Variants in DACT2 observed in about 807,000 individuals in gnomAD.
DACT2 encodes the protein dishevelled binding antagonist of beta catenin 2.
In DACT2, 20 loss-of-function variants were observed where a neutral mutation model predicts 22.2. That is an observed-to-expected ratio of 0.90 (90% CI 0.63 to 1.31). The LOEUF is 1.31. DACT2 is among the 50% of genes most tolerant of loss of function. The pLI, the probability that DACT2 is intolerant of heterozygous loss-of-function variation, is 0.00. For missense variants in DACT2, 1,048 were observed against 1,061.4 expected, an observed-to-expected ratio of 0.99 and a Z score of 0.18; for synonymous variants, 463 against 479.8, an observed-to-expected ratio of 0.96 and a Z score of 0.46.
At chr6:168,313,606 G>A (rs1241920466) in intron 1 of DACT2, among the ~76,000 whole-genome samples, 1 of 152,148 alleles carries the variant, frequency 6.6e-6, no homozygotes, top group Non-Finnish European at 1.5e-5. Flanking sequence ...GATCCTTACA[G>A]CACAGGAATT....
At chr6:168,309,197 C>G in intron 3 of DACT2, 99 bp from the exon 4 acceptor site, 1 of 1,430,674 alleles carries the variant, frequency 7.0e-7, no homozygotes, top group Non-Finnish European at 9.2e-7. Flanking sequence ...AAACGCTGCT[C>G]ATTCACTGCT....
rs1312785958 is a variant in DACT2, at chr6:168,307,442, G to A, written c.2315C>T (p.Thr772Ile). The A allele has an allele frequency of 6.4e-7, 1 of 1,551,668 alleles. No individual in the cohort carries two copies. The highest frequency in any genetic ancestry group is 8.7e-7 in the Non-Finnish European group (1 of 1,146,990). ...CGCAGTCACTGCACCTCACACCATGGTCATGACCTTCAGGGCCGTCGGCTG... is the reference window on the plus strand; with the variant it reads ...CGCAGTCACTGCACCTCACACCATGATCATGACCTTCAGGGCCGTCGGCTG... Reference protein sequence around the residue: ...RFQPTALKVMTMV With the variant: ...RFQPTALKVMIMV The change falls in exon 4 of 4, where the codon ACC becomes ATC. Residue 772 changes from threonine (T) to isoleucine (I), a missense_variant. Physicochemically the swap from Thr to Ile is moderately conservative, Grantham distance 89 (BLOSUM62 -1). Transcript: ENST00000366795. The surrounding 1 kb of genome is among the most constrained non-coding windows in gnomAD (Gnocchi z 5.3).
At position 168,307,486 on chromosome 6, in the gene DACT2, C is replaced by T; in HGVS notation, c.2271G>A (p.Lys757=). 2 of 1,551,670 alleles carry T rather than the reference C, an allele frequency of 1.3e-6. No homozygotes were observed. The highest frequency in any genetic ancestry group is 8.7e-7 in the Non-Finnish European group (1 of 1,147,002). ...LCRIKASKAL[K]KKIRRFQPTA... ...TCGGCTGGAACCTGCGGATCTTCTT[C>T]TTCAGGGCCTTGGAGGCCTTAATAC... The change falls in exon 4 of 4, where the codon AAG becomes AAA. Residue 757 remains lysine (K), a synonymous_variant. Coordinates refer to ENST00000366795, the MANE Select transcript of DACT2 (RefSeq NM_214462.5). The surrounding 1 kb of genome is among the most constrained non-coding windows in gnomAD (Gnocchi z 5.3).
chr6:168,310,297 G>T lies in DACT2; in HGVS notation c.529C>A (p.Arg177=). The T allele has an allele frequency of 6.4e-7, 1 of 1,551,524 alleles. No homozygotes were observed. The highest frequency in any genetic ancestry group is 8.7e-7 in the Non-Finnish European group (1 of 1,146,974). Residue 177 remains arginine (R), a synonymous_variant, in exon 3 of 4, where the codon CGG becomes AGG. Coordinates refer to ENST00000366795, the MANE Select transcript of DACT2 (RefSeq NM_214462.5). Reference sequence around the variant, plus strand: ...GGCACAGTAGTCTCATCAACCGACCGGGGCCTCCAGTCCCCCATGCTGGGC... The same window carrying T: ...GGCACAGTAGTCTCATCAACCGACCTGGGCCTCCAGTCCCCCATGCTGGGC... The part of the protein sequence containing the change: ...ARPSMGDWRP[R]SVDETTVPAW...
At position 168,306,936 on chromosome 6, in the gene DACT2, T is replaced by C. The variant is rs957027306; in HGVS notation, c.*496A>G. On this transcript the variant is annotated 3_prime_UTR_variant, in exon 4 of 4. Transcript: ENST00000366795. ...AGGGAAAAAAAATGTTCCTTTTATT[T>C]GAGATCATGGCATAATTTGGGTGTT... 5 of 990,264 alleles carry C rather than the reference T, an allele frequency of 5.0e-6. No homozygotes were observed. Among genetic ancestry groups the C allele is most frequent in the Non-Finnish European group, 6.0e-6 (5 of 832,854 alleles). 61.3% of individuals were successfully genotyped at this position (990,264 alleles called of 1,614,324 possible).
At chr6:168,296,226 C>T (rs536002569) in intron 3 of DACT2, among the ~76,000 whole-genome samples, 3 of 128,916 alleles carry the variant, frequency 2.3e-5, no homozygotes, top group Non-Finnish European at 5.1e-5. Context: ...GACAGGCACC[C>T]GGAATCAGGG....
intron 4 of DACT2, chr6:168,294,577 G>T: frequency 8.3e-6 from 1 of 120,872 alleles, no homozygotes. Flanking sequence ...GTGTGTGTGT[G>T]TATATATATA....
Position 168,308,082 on chromosome 6 carries a change from G to A in DACT2, c.1675C>T (p.Arg559Cys), listed in dbSNP as rs112297618. 78 of 1,544,380 alleles carry A rather than the reference G, an allele frequency of 5.1e-5. No individual in the cohort carries two copies. Among genetic ancestry groups the A allele is most frequent in the East Asian group, 7.4e-5 (3 of 40,742 alleles). ...RPALAWEAPGRSCSESTLYPM... is the reference protein window; with the variant it reads ...RPALAWEAPGCSCSESTLYPM... ...TAGAGGGTGGACTCAGAACAGGAGC[G>A]CCCGGGTGCCTCCCAGGCCAGGGCT... is the stretch of plus-strand genomic sequence containing the variant. The change falls in exon 4 of 4, where the codon CGC becomes TGC. Residue 559 changes from arginine (R) to cysteine (C), a missense_variant. Coordinates refer to ENST00000366795, the MANE Select transcript of DACT2 (RefSeq NM_214462.5).
chr6:168,293,934 C>T (rs1778954670), exon 6 of DACT2: 1 of 703,364 alleles, frequency 1.4e-6, no homozygotes, highest in African/African-American at 1.7e-5. Context: ...TGTCTTTGAA[C>T]TTGTGTTCTG....
intron 2 of DACT2, 120 bp downstream of exon 2, chr6:168,311,032 C>T (rs368766703): frequency 6.8e-6 from 9 of 1,327,492 alleles, no homozygotes; most frequent in South Asian, 5.5e-5. Flanking sequence ...CATCTCCCTG[C>T]ACGGACACTA....
In DACT2 at chr6:168,307,410, C is replaced by T. The variant is rs1779236552; in HGVS notation, c.*22G>A. 6.4e-7 allele frequency: 1 copy of T among 1,551,046 alleles called. No individual in the cohort carries two copies. Among genetic ancestry groups the T allele is most frequent in the Non-Finnish European group, 8.7e-7 (1 of 1,146,758 alleles). The stretch of plus-strand genomic sequence containing the variant: ...AAGGGCCCCTGTGTGCAGCAGGCTT[C>T]TCTTGACGCAGTCACTGCACCTCAC... On this transcript the variant is annotated 3_prime_UTR_variant, in exon 4 of 4. Coordinates refer to ENST00000366795, the MANE Select transcript of DACT2 (RefSeq NM_214462.5). This position sits in a 1 kb window ranked among gnomAD's most constrained non-coding sequence, Gnocchi z 5.3.
In DACT2 at chr6:168,307,080, T is replaced by C. The variant is rs1419373631; in HGVS notation, c.*352A>G. The C allele has an allele frequency of 2.8e-6, 3 of 1,059,970 alleles. No homozygotes were observed. The highest frequency in any genetic ancestry group is 1.7e-5 in the African/African-American group (1 of 59,406). 65.7% of individuals were successfully genotyped at this position (1,059,970 alleles called of 1,614,324 possible). A position where few individuals can be genotyped will look rare whatever the true frequency, so the allele number is the denominator to read the frequency against. ...GAATGGTCAAAGGATTGGGAAACAC[T>C]TCCCCAGCCAGAGGGGAGTGAGGGC... On this transcript the variant is annotated 3_prime_UTR_variant, in exon 4 of 4. Transcript: ENST00000366795. The surrounding 1 kb of genome is among the most constrained non-coding windows in gnomAD (Gnocchi z 5.3).
At chr6:168,309,603 A>G (rs1223813195) in intron 3 of DACT2, among the ~76,000 whole-genome samples, 2 of 152,224 alleles carry the variant, frequency 1.3e-5, no homozygotes, top group South Asian at 2.1e-4. Flanking sequence ...GAGGCCCCGC[A>G]GCAGTGGGAT....
rs1030909102 is a variant in DACT2, at chr6:168,319,693, G to A, written c.-60C>T. ...GAGCGGCGCCGGAGGCCCAGCGCGC[G>A]CGGATCCCGAGCTGTGTCGCGGGTC... On this transcript the variant is annotated 5_prime_UTR_variant, in exon 1 of 4. Coordinates refer to ENST00000366795, the MANE Select transcript of DACT2 (RefSeq NM_214462.5). 2.2e-4 allele frequency: 258 copies of A among 1,193,460 alleles called. 1 individual carries two copies. The highest frequency in any genetic ancestry group is 1.9e-4 in the Non-Finnish European group (184 of 962,476). 73.9% of individuals were successfully genotyped at this position (1,193,460 alleles called of 1,614,324 possible). A position where few individuals can be genotyped will look rare whatever the true frequency, so the allele number is the denominator to read the frequency against.
At position 168,308,737 on chromosome 6, in the gene DACT2, CA is replaced by C; in HGVS notation, c.1019del (p.Leu340ArgfsTer18). The C allele has an allele frequency of 6.4e-7, 1 of 1,551,064 alleles. No individual in the cohort carries two copies. On this transcript the variant is annotated frameshift_variant, in exon 4 of 4. Transcript: ENST00000366795. LOFTEE classifies it low-confidence loss of function (END_TRUNC). Reference protein sequence around the residue: ...ARAYIDRLLHLWGRETPAKGS... With the variant: ...ARAYIDRLLHXWGRETPAKGS... ...CCTTTGCTGGGGTCTCCCGGCCCCA[CA>C]GATGCAGCAACCTGTCGATATAAGC... is the stretch of plus-strand genomic sequence containing the variant.
At position 168,309,085 on chromosome 6, in the gene DACT2, T is replaced by C; in HGVS notation, c.672A>G (p.Arg224=). 2.0e-6 allele frequency: 3 copies of C among 1,525,418 alleles called. No homozygotes were observed. The highest frequency in any genetic ancestry group is 2.0e-5 in the Admixed American group (1 of 49,894). The allele number at this position is 1,525,418 out of a possible 1,614,324, so 94.5% of individuals were successfully genotyped here. A position where few individuals can be genotyped will look rare whatever the true frequency, so the allele number is the denominator to read the frequency against. Residue 224 remains arginine (R), a synonymous_variant, in exon 4 of 4, where the codon AGA becomes AGG. Coordinates refer to ENST00000366795, the MANE Select transcript of DACT2 (RefSeq NM_214462.5). ...PRPVSTGDLD[R]ALPADTGLQK... Reference sequence around the variant, plus strand: ...GGAGCCCCGTGTCCGCCGGCAGGGCTCTGTCAAGATCACCTGGGAGCGAGA... The same window carrying C: ...GGAGCCCCGTGTCCGCCGGCAGGGCCCTGTCAAGATCACCTGGGAGCGAGA...
rs879304618 is a variant in DACT2 at position 168,309,012 on chromosome 6, C to A, written c.745G>T (p.Val249Leu). 4.5e-6 allele frequency: 7 copies of A among 1,547,966 alleles called. No individual in the cohort carries two copies. The Admixed American group carries it at 5.9e-5, about 13-fold the overall frequency. Residue 249 changes from valine to leucine, a missense_variant, in exon 4 of 4, where the codon GTG (valine) becomes TTG (leucine). Val to Leu is a conservative substitution (Grantham distance 32). Coordinates refer to ENST00000366795, the MANE Select transcript of DACT2 (RefSeq NM_214462.5). ...TCCGGCACGTGCAGCGGGATATCCA[C>A]CCCCTGGCAGAGGAGCCCGAGGAGC... Reference protein sequence around the residue: ...AELLGLLCQGVDIPLHVPDPK... With the variant: ...AELLGLLCQGLDIPLHVPDPK...
chr6:168,300,382 T>A (rs148304365), intron 3 of DACT2: 8 of 152,338 alleles, frequency 5.3e-5, no homozygotes, highest in African/African-American at 1.9e-4. Context: ...GGCTGCTTCA[T>A]CGTCATGGAA....
chr6:168,293,605 A>T (rs1375622951), exon 6 of DACT2: 1 of 412,528 alleles, frequency 2.4e-6, no homozygotes, highest in East Asian at 4.6e-5. Context: ...ACACACAGAA[A>T]GTAGAAGGAT....
Sources: allele counts gnomAD v4.1 joint callset (sites outside exome capture counted in the v4.1 genomes callset), GRCh38; gene constraint gnomAD v4.1.1; non-coding constraint Gnocchi (gnomAD v3.1); transcripts MANE v1.5; gene names NCBI Gene and HGNC (gene_info 2026-07-23, HGNC 2026-07-21).